ZNF683: variants seen among roughly 807,000 people sequenced by gnomAD.
The protein encoded by ZNF683 is zinc finger protein 683.
ZNF683 carries 20 observed loss-of-function variants against 31.4 expected under a neutral mutation model. The observed-to-expected ratio is 0.64, with a 90% CI of 0.45 to 0.93. The LOEUF (loss-of-function observed/expected upper bound fraction) is 0.93. ZNF683 is among the 40% of genes least tolerant of loss of function. ZNF683 has a pLI of 0.00. For synonymous variants in ZNF683, 264 were observed against 267.6 expected, an observed-to-expected ratio of 0.99 and a Z score of 0.13; for missense variants, 621 against 637.2, an observed-to-expected ratio of 0.97 and a Z score of 0.27.
At chr1:26,364,349 A>G (rs1400953426) in intron 4 of ZNF683, among the ~76,000 whole-genome samples, 183 bp downstream of exon 4, 2 of 152,118 alleles carry the variant, frequency 1.3e-5, no homozygotes, top group Non-Finnish European at 2.9e-5. Context: ...TAGGGTGGCG[A>G]GGACTTTGGT....
At chr1:26,365,369 G>A in intron 3 of ZNF683, 143 bp from the exon 4 acceptor site, 4 of 901,524 alleles carry the variant, frequency 4.4e-6, no homozygotes, top group African/African-American at 1.7e-5. Context: ...CAATTTCAGG[G>A]GGAGAAAGCA....
chr1:26,364,864 A>G lies in ZNF683; in HGVS notation c.682T>C (p.Tyr228His). Residue 228 changes from tyrosine (Y) to histidine (H), a missense_variant, in exon 4 of 6, where the codon TAC (tyrosine) becomes CAC (histidine). By Grantham distance (83) the Tyr-to-His change is moderately conservative (BLOSUM62 2). Coordinates refer to ENST00000349618, the MANE Select transcript of ZNF683 (RefSeq NM_001114759.3). ...HLLMLPQDPS[Y>H]PTMAMPSLLM... ...AGGCTAGGCATAGCCATGGTGGGGT[A>G]GGAGGGGTCTTGGGGCAGCATGAGG... The G allele has an allele frequency of 1.3e-6, 2 of 1,555,996 alleles. No homozygotes were observed. The highest frequency in any genetic ancestry group is 1.7e-6 in the Non-Finnish European group (2 of 1,152,234).
Position 26,364,606 on chromosome 1 carries a change from T to C in ZNF683, c.940A>G (p.Lys314Glu), listed in dbSNP as rs1355521223. 6.2e-7 allele frequency: 1 copy of C among 1,614,018 alleles called. No individual in the cohort carries two copies. Among genetic ancestry groups the C allele is most frequent in the Non-Finnish European group, 8.5e-7 (1 of 1,179,894 alleles). ...TACAGGATTTTGCCATTCTTCTTTTTCAGCGGGTAAGGCAAGGCTGCGGTG... is the reference window on the plus strand; with the variant it reads ...TACAGGATTTTGCCATTCTTCTTTTCCAGCGGGTAAGGCAAGGCTGCGGTG... ...TGTAALPYPLKKKNGKILYEC... is the reference protein window; with the variant it reads ...TGTAALPYPLEKKNGKILYEC... Residue 314 changes from lysine to glutamate, a missense_variant, in exon 4 of 6, where the codon AAA (lysine) becomes GAA (glutamate). Transcript: ENST00000349618.
rs201778273 is a variant in ZNF683, at chr1:26,361,962, C to T, written c.1204G>A (p.Gly402Arg). The stretch of plus-strand genomic sequence containing the variant: ...ACACTGCACTGGAAGGGCCGGGCCC[C>T]GGAGTGCAGGCGCAGGTGGGTCTTG... ...NLKTHLRLHS[G>R]ARPFQCSVCR... is the part of the protein sequence containing the mutation. Residue 402 changes from glycine (G) to arginine (R), a missense_variant, in exon 6 of 6, where the codon GGG becomes AGG. Transcript: ENST00000349618. 2.9e-5 allele frequency: 47 copies of T among 1,613,848 alleles called. 1 individual carries two copies. The highest frequency in any genetic ancestry group is 5.0e-5 in the Admixed American group (3 of 59,996).
intron 1 of ZNF683, 35 bp from the exon 2 acceptor site, chr1:26,368,620 G>A: frequency 6.5e-7 from 1 of 1,544,262 alleles, no homozygotes; most frequent in Non-Finnish European, 8.7e-7. Flanking sequence ...AAGCTGTGAA[G>A]GTCCTCCAAA....
chr1:26,374,307 C>T (rs1297092207), upstream of ZNF683: 1 of 1,304,200 alleles, frequency 7.7e-7, no homozygotes, highest in South Asian at 1.2e-5. Context: ...GCTGTGCTCC[C>T]TCCTGGCATC....
At chr1:26,371,360 G>T (rs1375170437) in intron 1 of ZNF683, among the ~76,000 whole-genome samples, 1 of 152,150 alleles carries the variant, frequency 6.6e-6, no homozygotes, top group African/African-American at 2.4e-5. Context: ...AGCACTTCAG[G>T]AGACCAAGGC....
chr1:26,374,500 G>C, upstream of ZNF683: 3 of 1,158,228 alleles, frequency 2.6e-6, no homozygotes, highest in Non-Finnish European at 3.3e-6. Context: ...AGAAGCCTCT[G>C]CCTGCCAAGC....
chr1:26,361,729 T>A lies in ZNF683; in HGVS notation c.1437A>T (p.Thr479=). Residue 479 remains threonine, a synonymous_variant, in exon 6 of 6, where the codon ACA becomes ACT. Coordinates refer to ENST00000349618, the MANE Select transcript of ZNF683 (RefSeq NM_001114759.3). ...YDIDEVKVSS[T]SQGKARAVSL... ...TCACTGCTCTTGCTTTCCCCTGGGA[T>A]GTCGAGGACACTTTGACCTCATCTA... The A allele has an allele frequency of 6.2e-7, 1 of 1,614,074 alleles. No homozygotes were observed. The highest frequency in any genetic ancestry group is 1.7e-5 in the Admixed American group (1 of 60,034).
At chr1:26,373,190 A>T (rs1396066367), upstream of ZNF683, 3 of 152,898 alleles carry the variant, frequency 2.0e-5, no homozygotes, top group African/African-American at 7.2e-5. Context: ...GGAGTTCAAG[A>T]CCAGCCTGGC....
chr1:26,365,176 T>G lies in ZNF683; in HGVS notation c.370A>C (p.Thr124Pro), dbSNP rs766702377. The G allele has an allele frequency of 8.7e-6, 14 of 1,610,384 alleles. No homozygotes were observed. Among genetic ancestry groups the G allele is most frequent in the Admixed American group, 1.7e-5 (1 of 59,450 alleles). The change falls in exon 4 of 6, where the codon ACA becomes CCA. Residue 124 changes from threonine to proline, a missense_variant. By Grantham distance (38) the Thr-to-Pro change is conservative. Coordinates refer to ENST00000349618, the MANE Select transcript of ZNF683 (RefSeq NM_001114759.3). The stretch of plus-strand genomic sequence containing the variant: ...TCCTTGTTCTGTGGGTACTTGACTG[T>G]GAATTTCTTGTCATCGGTGGAGCTG... ...QASSTDDKKF[T>P]VKYPQNKDKL...
At position 26,361,749 on chromosome 1, in the gene ZNF683, C is replaced by A; in HGVS notation, c.1417G>T (p.Glu473Ter). The A allele has an allele frequency of 6.2e-7, 1 of 1,614,076 alleles. No homozygotes were observed. Among genetic ancestry groups the A allele is most frequent in the South Asian group, 1.1e-5 (1 of 91,086 alleles). ...SEKHMGYDID[E>*]VKVSSTSQGK... ...TGGGATGTCGAGGACACTTTGACCTCATCTATGTCATAGCCCATGTGTTTC... is the reference window on the plus strand; with the variant it reads ...TGGGATGTCGAGGACACTTTGACCTAATCTATGTCATAGCCCATGTGTTTC... The change falls in exon 6 of 6, where the codon GAG becomes TAG. Residue 473 changes from glutamate to a stop codon, truncating the protein, a stop_gained. Coordinates refer to ENST00000349618, the MANE Select transcript of ZNF683 (RefSeq NM_001114759.3). LOFTEE classifies it low-confidence loss of function (END_TRUNC).
At position 26,367,709 on chromosome 1, in the gene ZNF683, G is replaced by A. The variant is rs377024854; in HGVS notation, c.203C>T (p.Pro68Leu). The A allele has an allele frequency of 1.1e-5, 17 of 1,611,802 alleles. No individual in the cohort carries two copies. The African/African-American group carries it at 1.2e-4, about 11-fold the overall frequency. ...GCAGGCCAGCAGTGCAGACCTGCCC[G>A]GTGCCAGGGGCAAGGGACACAGCCA... ...ASWLCPLPLA[P>L]GRSALLACLQ... The change falls in exon 3 of 6, where the codon CCG (proline) becomes CTG (leucine). Residue 68 changes from proline (P) to leucine (L), a missense_variant. Transcript: ENST00000349618.
chr1:26,361,976 AG>A lies in ZNF683; in HGVS notation c.1189del (p.Leu397CysfsTer25). 1 of 1,613,992 alleles carries A rather than the reference AG, an allele frequency of 6.2e-7. No homozygotes were observed. Among genetic ancestry groups the A allele is most frequent in the Non-Finnish European group, 8.5e-7 (1 of 1,179,880 alleles). On this transcript the variant is annotated frameshift_variant, in exon 6 of 6. Coordinates refer to ENST00000349618, the MANE Select transcript of ZNF683 (RefSeq NM_001114759.3). LOFTEE classifies it low-confidence loss of function (END_TRUNC). ...FSSSSNLKTHLRLHSGARPFQ... is the reference protein window; with the variant it reads ...FSSSSNLKTHXRLHSGARPFQ... Reference sequence around the variant, plus strand: ...GGGCCGGGCCCCGGAGTGCAGGCGCAGGTGGGTCTTGAGGTTACTGGAGCTG... The same window carrying A: ...GGGCCGGGCCCCGGAGTGCAGGCGCAGTGGGTCTTGAGGTTACTGGAGCTG...
In ZNF683 at chr1:26,361,695, TG is replaced by T; in HGVS notation, c.1470del (p.Ser490ArgfsTer8). 1 of 1,614,004 alleles carries T rather than the reference TG, an allele frequency of 6.2e-7. No homozygotes were observed. The highest frequency in any genetic ancestry group is 1.1e-5 in the South Asian group (1 of 91,086). ...SQGKARAVSL[S>X]SAGTPLVMGQ... ...CCCATCACCAGGGGAGTCCCGGCAC[TG>T]CTCAGGCTCACTGCTCTTGCTTTCC... On this transcript the variant is annotated frameshift_variant, in exon 6 of 6. Coordinates refer to ENST00000349618, the MANE Select transcript of ZNF683 (RefSeq NM_001114759.3). LOFTEE classifies it low-confidence loss of function (END_TRUNC).
rs2074492311 is a variant in ZNF683, at chr1:26,365,186, G to A, written c.360C>T (p.Asp120=). The A allele has an allele frequency of 6.2e-7, 1 of 1,609,198 alleles. No homozygotes were observed. Among genetic ancestry groups the A allele is most frequent in the Admixed American group, 1.7e-5 (1 of 59,282 alleles). The stretch of plus-strand genomic sequence containing the variant: ...GTGGGTACTTGACTGTGAATTTCTT[G>A]TCATCGGTGGAGCTGGCCTGCAGCC... ...PPGLQASSTD[D]KKFTVKYPQN... Residue 120 remains aspartate (D), a synonymous_variant, in exon 4 of 6, where the codon GAC becomes GAT. Transcript: ENST00000349618.
At position 26,365,071 on chromosome 1, in the gene ZNF683, G is replaced by A; in HGVS notation, c.475C>T (p.Pro159Ser). 6.2e-7 allele frequency: 1 copy of A among 1,607,242 alleles called. No homozygotes were observed. The highest frequency in any genetic ancestry group is 8.5e-7 in the Non-Finnish European group (1 of 1,176,922). Residue 159 changes from proline to serine, a missense_variant, in exon 4 of 6, where the codon CCA (proline) becomes TCA (serine). Coordinates refer to ENST00000349618, the MANE Select transcript of ZNF683 (RefSeq NM_001114759.3). ...AFSSHNSSSP[P>S]PLQNRKSPSP... ...GGGCTCTTTCTGTTCTGCAGCGGTG[G>A]TGGGGAAGAGCTGTTATGAGAGGAG... is the stretch of plus-strand genomic sequence containing the variant.
At chr1:26,370,808 T>C (rs2074652495) in intron 1 of ZNF683, 1 of 870,710 alleles carries the variant, frequency 1.1e-6, no homozygotes, top group Non-Finnish European at 1.4e-6. Context: ...AGATAGGAAG[T>C]GGGGGCAGGC....
At chr1:26,367,873 T>C in intron 2 of ZNF683, 76 bp from the exon 3 acceptor site, 13 of 1,247,182 alleles carry the variant, frequency 1.0e-5, no homozygotes, top group Non-Finnish European at 1.4e-5. Context: ...CCTACCCCTA[T>C]TTTGTTTTCC....
Sources: allele counts gnomAD v4.1 joint callset (sites outside exome capture counted in the v4.1 genomes callset), GRCh38; gene constraint gnomAD v4.1.1; transcripts MANE v1.5; gene names NCBI Gene and HGNC (gene_info 2026-07-23, HGNC 2026-07-21).